Variants in STK25 observed in about 807,000 individuals in gnomAD.
STK25 encodes serine/threonine-protein kinase 25.
In STK25, 29 loss-of-function variants were observed where a neutral mutation model predicts 53.8. The observed-to-expected ratio is 0.54, with a 90% confidence interval of 0.40 to 0.74. The LOEUF is 0.74. Ranked by LOEUF, STK25 falls within the 30% of genes least tolerant of loss-of-function variation. STK25 has a pLI of 0.00. For missense variants in STK25, 420 were observed against 568.0 expected (o/e 0.74, Z 2.65); for synonymous variants, 247 against 238.3 (o/e 1.04, Z -0.33).
Position 241,501,677 on chromosome 2 carries a change from G to A in STK25, c.62C>T (p.Thr21Ile). ...GCCCTTGCCAATGCGGTCGAGCTTG[G>A]TGAAGAGCTCCTCAGGGTCCACTCG... ...HSRVDPEELF[T>I]KLDRIGKGSF... The change falls in exon 3 of 12, where the codon ACC becomes ATC. Residue 21 changes from threonine (T) to isoleucine (I), a missense_variant. Physicochemically the swap from Thr to Ile is moderately conservative, Grantham distance 89. Coordinates refer to ENST00000316586, the MANE Select transcript of STK25 (RefSeq NM_001271977.2). This position sits in a 1 kb window ranked among gnomAD's most constrained non-coding sequence, Gnocchi z 5.3. 1 of 1,613,926 alleles carries A rather than the reference G, an allele frequency of 6.2e-7. No individual in the cohort carries two copies. The highest frequency in any genetic ancestry group is 1.3e-5 in the African/African-American group (1 of 75,044).
At chr2:241,499,901 C>T (rs544806100) in intron 5 of STK25, 197 of 558,940 alleles carry the variant, frequency 3.5e-4, no homozygotes, top group Non-Finnish European at 5.5e-4. Context: ...GCTGCTGTGC[C>T]GTGCACCACA....
rs1337784596 is a variant in STK25 at position 241,505,906 on chromosome 2, C to A, written c.30+2100G>T. Among the ~76,000 whole-genome samples the A allele has an allele frequency of 2.0e-5, 3 of 152,238 alleles. No homozygotes were observed. The East Asian group carries it at 5.8e-4, about 29-fold the overall frequency. ...CTGTGGCCTGGATGATCACTCGGGC[C>A]ACTCAGCTGACTCGAGCGGTGGACA... On this transcript the variant is annotated intron_variant, in intron 2 of 11. Coordinates refer to ENST00000316586, the MANE Select transcript of STK25 (RefSeq NM_001271977.2).
At chr2:241,497,878 T>C (rs33920609) in intron 9 of STK25, among the ~76,000 whole-genome samples, 191 bp from the exon 10 acceptor site, 23,820 of 143,352 alleles carry the variant, frequency 0.17, 2,353 homozygotes, top group Middle Eastern at 0.22. Context: ...TCCCACCCTC[T>C]CCTGACTCTG....
Position 241,498,751 on chromosome 2 carries a change from A to G in STK25, c.805T>C (p.Phe269Leu). The G allele has an allele frequency of 1.2e-6, 2 of 1,614,112 alleles. No homozygotes were observed. Among genetic ancestry groups the G allele is most frequent in the Non-Finnish European group, 1.7e-6 (2 of 1,180,024 alleles). ...PTAKELLKHK[F>L]ITRYTKKTSF... ...GTCTTCTTGGTGTAGCGTGTGATGAACTTGTGCTTCAGGAGCTCCTTGGCC... is the reference window on the plus strand; with the variant it reads ...GTCTTCTTGGTGTAGCGTGTGATGAGCTTGTGCTTCAGGAGCTCCTTGGCC... The change falls in exon 8 of 12, where the codon TTC (phenylalanine) becomes CTC (leucine). Residue 269 changes from phenylalanine to leucine, a missense_variant. Coordinates refer to ENST00000316586, the MANE Select transcript of STK25 (RefSeq NM_001271977.2).
In STK25 at chr2:241,496,574, C is replaced by A. The variant is rs1373021716; in HGVS notation, c.1105-40G>T. The A allele has an allele frequency of 5.0e-6, 8 of 1,594,840 alleles. No individual in the cohort carries two copies. The highest frequency in any genetic ancestry group is 1.3e-5 in the African/African-American group (1 of 74,550). ...CCACGCCTGACCCTGGACCCCAGGACAGGCCTTCAGGGAGCCTGCTCCTTT... is the reference window on the plus strand; with the variant it reads ...CCACGCCTGACCCTGGACCCCAGGAAAGGCCTTCAGGGAGCCTGCTCCTTT... On this transcript the variant is annotated intron_variant, in intron 10 of 11. Transcript: ENST00000316586. This position sits in a 1 kb window ranked among gnomAD's most constrained non-coding sequence, Gnocchi z 5.8.
At chr2:241,505,619 C>T (rs1342611148) in intron 2 of STK25, among the ~76,000 whole-genome samples, 1 of 152,196 alleles carries the variant, frequency 6.6e-6, no homozygotes, top group African/African-American at 2.4e-5. Context: ...ATCACAGCAG[C>T]CCCGGTAGGG....
intron 4 of STK25, 64 bp downstream of exon 4, chr2:241,500,676 T>A: frequency 1.3e-6 from 2 of 1,540,394 alleles, no homozygotes. Context: ...CTGGAGCCCA[T>A]GAGTCTGAGG....
intron 2 of STK25, among the ~76,000 whole-genome samples, chr2:241,506,255 C>T (rs1359224688): frequency 6.6e-6 from 1 of 152,214 alleles, no homozygotes; most frequent in Non-Finnish European, 1.5e-5. Context: ...GGTTTTCTGC[C>T]ACTATATGAA....
chr2:241,502,406 TCTTA>T (rs1364659795), intron 2 of STK25, among the ~76,000 whole-genome samples: 2 of 152,022 alleles, frequency 1.3e-5, no homozygotes, highest in African/African-American at 2.4e-5. Context: ...ATTTGGGAGC[TCTTA>T]CTTAATTTGT....
Position 241,495,361 on chromosome 2 carries a change from G to T in STK25, c.*301C>A. ...CATAGGGCTGCATGAGTCTGCAGAA[G>T]ACCCAGGCGTAGCTCATGAGGGCCA... On this transcript the variant is annotated 3_prime_UTR_variant, in exon 12 of 12. Coordinates refer to ENST00000316586, the MANE Select transcript of STK25 (RefSeq NM_001271977.2). 2.5e-6 allele frequency: 1 copy of T among 406,364 alleles called. No individual in the cohort carries two copies. The highest frequency in any genetic ancestry group is 4.6e-6 in the Non-Finnish European group (1 of 219,446). 25.2% of individuals were successfully genotyped at this position (406,364 alleles called of 1,614,324 possible).
rs2065038820 is a variant in STK25, at chr2:241,494,127, G to A, written c.*1535C>T. 9 of 1,461,930 alleles carry A rather than the reference G, an allele frequency of 6.2e-6. No individual in the cohort carries two copies. Among genetic ancestry groups the A allele is most frequent in the African/African-American group, 4.5e-5 (3 of 67,348 alleles). The allele number at this position is 1,461,930 out of a possible 1,614,324, so 90.6% of individuals were successfully genotyped here. ...ATGGTCAGGGGGAAGGAGGAATGAC[G>A]CTCAACCTGCCCAGGTTTGGACACA... is the stretch of plus-strand genomic sequence containing the variant. On this transcript the variant is annotated 3_prime_UTR_variant, in exon 12 of 12. Coordinates refer to ENST00000316586, the MANE Select transcript of STK25 (RefSeq NM_001271977.2). This position sits in a 1 kb window ranked among gnomAD's most constrained non-coding sequence, Gnocchi z 4.9.
chr2:241,500,110 C>T (rs780082455), intron 5 of STK25, 63 bp downstream of exon 5: 47 of 1,442,710 alleles, frequency 3.3e-5, no homozygotes, highest in South Asian at 2.6e-4. Flanking sequence ...TCACAGGCCC[C>T]GGCCTCTCTA....
rs561270920 is a variant in STK25 at position 241,501,231 on chromosome 2, A to C, written c.261+247T>G. 8.6e-5 allele frequency: 50 copies of C among 582,572 alleles called. No homozygotes were observed. Among genetic ancestry groups the C allele is most frequent in the African/African-American group, 7.6e-4 (41 of 53,954 alleles). The allele number at this position is 582,572 out of a possible 1,614,324, so 36.1% of individuals were successfully genotyped here. A position where few individuals can be genotyped will look rare whatever the true frequency, so the allele number is the denominator to read the frequency against. ...TCACCACTGCCAGTAGGGGCCCCCC[A>C]GAGTGCTCCTAGCAGCGCCCTCACT... On this transcript the variant is annotated intron_variant, in intron 3 of 11. Coordinates refer to ENST00000316586, the MANE Select transcript of STK25 (RefSeq NM_001271977.2). This position sits in a 1 kb window ranked among gnomAD's most constrained non-coding sequence, Gnocchi z 5.3.
chr2:241,504,922 TC>T (rs1291375209), intron 2 of STK25, among the ~76,000 whole-genome samples: 2 of 139,772 alleles, frequency 1.4e-5, no homozygotes, highest in Non-Finnish European at 3.1e-5. Flanking sequence ...CTCTTCTTTT[TC>T]TTTTTTTTTT....
At position 241,493,632 on chromosome 2, in the gene STK25, T is replaced by G. The variant is rs566549642; in HGVS notation, c.*2030A>C. ...TTTTTGGAGATGGCGTCTCCCTCTG[T>G]CACTCAGGCTGGAGTGCAGTGATAC... On this transcript the variant is annotated 3_prime_UTR_variant, in exon 12 of 12. Coordinates refer to ENST00000316586, the MANE Select transcript of STK25 (RefSeq NM_001271977.2). The G allele has an allele frequency of 1.7e-6, 1 of 596,934 alleles. No individual in the cohort carries two copies. The highest frequency in any genetic ancestry group is 2.0e-5 in the South Asian group (1 of 49,564). The allele number at this position is 596,934 out of a possible 1,614,324, so 37.0% of individuals were successfully genotyped here. A position where few individuals can be genotyped will look rare whatever the true frequency, so the allele number is the denominator to read the frequency against.
intron 2 of STK25, among the ~76,000 whole-genome samples, chr2:241,505,234 CCT>C (rs748386301): frequency 2.1e-4 from 32 of 152,262 alleles, no homozygotes; most frequent in South Asian, 1.2e-3. Context: ...TCAAATCCTC[CCT>C]GTTTGCTCAG....
At position 241,499,049 on chromosome 2, in the gene STK25, G is replaced by A. The variant is rs529633383; in HGVS notation, c.711C>T (p.Gly237=). The change falls in exon 7 of 12, where the codon GGC becomes GGT. Residue 237 remains glycine (G), a synonymous_variant. Coordinates refer to ENST00000316586, the MANE Select transcript of STK25 (RefSeq NM_001271977.2). ...IPKNSPPTLE[G]QHSKPFKEFV... ...ACTCCTTGAAGGGCTTGCTGTGCTG[G>A]CCCTCCAGTGTGGGTGGGCTGTTCT... The A allele has an allele frequency of 7.4e-6, 12 of 1,614,114 alleles. No individual in the cohort carries two copies. The South Asian group carries it at 1.3e-4, about 18-fold the overall frequency.
chr2:241,501,902 T>C lies in STK25; in HGVS notation c.31-194A>G. 1 of 553,904 alleles carries C rather than the reference T, an allele frequency of 1.8e-6. No individual in the cohort carries two copies. The highest frequency in any genetic ancestry group is 2.0e-5 in the South Asian group (1 of 48,932). The allele number at this position is 553,904 out of a possible 1,614,324, so 34.3% of individuals were successfully genotyped here. ...ACTAAACTTGGCCGGGCGTGGTGGC[T>C]CACGCCTGTAATTCTAGCACTTTGG... On this transcript the variant is annotated intron_variant, in intron 2 of 11. Transcript: ENST00000316586. The surrounding 1 kb of genome is among the most constrained non-coding windows in gnomAD (Gnocchi z 5.3).
In STK25 at chr2:241,501,785, T is replaced by G. The variant is rs1574952455; in HGVS notation, c.31-77A>C. Reference sequence around the variant, plus strand: ...GGGGGACAGGCAGAGGCTGCCCTGCTGGGGAGGAAGGGACCTGTAGGGAAG... The same window carrying G: ...GGGGGACAGGCAGAGGCTGCCCTGCGGGGGAGGAAGGGACCTGTAGGGAAG... On this transcript the variant is annotated intron_variant, in intron 2 of 11. Coordinates refer to ENST00000316586, the MANE Select transcript of STK25 (RefSeq NM_001271977.2). The surrounding 1 kb of genome is among the most constrained non-coding windows in gnomAD (Gnocchi z 5.3). 5.2e-6 allele frequency: 6 copies of G among 1,148,274 alleles called. No homozygotes were observed. The East Asian group carries it at 1.4e-4, about 27-fold the overall frequency. The allele number at this position is 1,148,274 out of a possible 1,614,324, so 71.1% of individuals were successfully genotyped here.
Sources: gnomAD v4.1 joint callset for allele counts (sites outside exome capture counted in the v4.1 genomes callset) on GRCh38, gnomAD v4.1.1 for gene constraint, Gnocchi (gnomAD v3.1) non-coding constraint, MANE v1.5 for transcripts, NCBI Gene and HGNC (gene_info 2026-07-23, HGNC 2026-07-21) for gene names.